The following PSG11 variants were observed in gnomAD, a reference collection of about 807,000 sequenced individuals.
PSG11 encodes the protein pregnancy-specific beta-1-glycoprotein 11.
A neutral mutation model predicts 36.0 loss-of-function variants in PSG11; 42 were observed. That is an observed-to-expected ratio of 1.17 (90% CI 0.91 to 1.51). The LOEUF (loss-of-function observed/expected upper bound fraction) is 1.51. Among genes scored for constraint, PSG11 ranks in the 40% most tolerant of loss-of-function variants. The pLI, the probability that PSG11 is intolerant of heterozygous loss-of-function variation, is 0.00. For missense variants in PSG11, 558 were observed against 403.5 expected (o/e 1.38, Z -3.28); for synonymous variants, 206 against 153.5 (o/e 1.34, Z -2.53).
chr19:43,013,225 A>G (rs982903425), intron 4 of PSG11, among the ~76,000 whole-genome samples: 2 of 151,538 alleles, frequency 1.3e-5, no homozygotes, highest in Non-Finnish European at 2.9e-5. Flanking sequence ...TGGTTGTAAC[A>G]ACAAAAGCAT....
chr19:43,024,578 G>A (rs1941820833), intron 2 of PSG11, 113 bp downstream of exon 2: 3 of 1,574,208 alleles, frequency 1.9e-6, no homozygotes, highest in Admixed American at 3.4e-5. Context: ...ACCCCAGCAT[G>A]GGACATAATG....
chr19:43,010,890 CATATATATAT>C (rs10566441), intron 4 of PSG11, among the ~76,000 whole-genome samples: 6 of 140,452 alleles, frequency 4.3e-5, no homozygotes, highest in Admixed American at 7.2e-5. Flanking sequence ...CCTCTTTTTC[CATATATATAT>C]ATATATATAT....
chr19:43,018,964 T>C lies in PSG11; in HGVS notation c.515A>G (p.Glu172Gly). ...METVILTCNP[E>G]TPDASYLWWM... ...CCACAGGTAGCTTGCGTCCGGAGTCTCAGGATTACAGGTTAAGATCACAGT... is the reference window on the plus strand; with the variant it reads ...CCACAGGTAGCTTGCGTCCGGAGTCCCAGGATTACAGGTTAAGATCACAGT... Residue 172 changes from glutamate (E) to glycine (G), a missense_variant, in exon 3 of 6, where the codon GAG becomes GGG. Glu to Gly is a moderately conservative substitution (Grantham distance 98). Transcript: ENST00000320078. 6.2e-7 allele frequency: 1 copy of C among 1,612,122 alleles called. No homozygotes were observed. The highest frequency in any genetic ancestry group is 8.5e-7 in the Non-Finnish European group (1 of 1,179,164).
Position 43,025,715 on chromosome 19 carries a change from T to C in PSG11, c.64+594A>G, listed in dbSNP as rs112606198. Reference sequence around the variant, plus strand: ...ATTGAGGACAGTGTTTCATGCCCTGTTTATTTTTATTTGTAGTGTCATCTG... The same window carrying C: ...ATTGAGGACAGTGTTTCATGCCCTGCTTATTTTTATTTGTAGTGTCATCTG... On this transcript the variant is annotated intron_variant, in intron 1 of 5. Transcript: ENST00000320078. Among the ~76,000 whole-genome samples the C allele has an allele frequency of 1.3e-3, 44 of 35,182 alleles. 1 individual carries two copies. Among genetic ancestry groups the C allele is most frequent in the African/African-American group, 8.1e-3 (40 of 4,950 alleles). The allele number at this position is 35,182 out of a possible 152,430, so 23.1% of individuals were successfully genotyped here.
intron 4 of PSG11, among the ~76,000 whole-genome samples, chr19:43,010,961 C>T (rs1404764811): frequency 1.3e-5 from 2 of 150,178 alleles, no homozygotes; most frequent in Non-Finnish European, 3.0e-5. Flanking sequence ...GTGCCAGGCC[C>T]TGTGCTAAAT....
rs991564858 is a variant in PSG11 at position 43,017,058 on chromosome 19, A to C, written c.710-1688T>G. Among the ~76,000 whole-genome samples the C allele has an allele frequency of 2.0e-5, 3 of 151,400 alleles. 1 individual carries two copies. The highest frequency in any genetic ancestry group is 4.4e-5 in the Non-Finnish European group (3 of 67,898). On this transcript the variant is annotated intron_variant, in intron 3 of 5. Transcript: ENST00000320078. ...CTCATGTAAATGGATTCCAGAGTGAATATGAGAAGAGACTGCTGGTTGCCA... is the reference window on the plus strand; with the variant it reads ...CTCATGTAAATGGATTCCAGAGTGACTATGAGAAGAGACTGCTGGTTGCCA...
At chr19:43,014,541 A>C in intron 4 of PSG11, 1 of 985,428 alleles carries the variant, frequency 1.0e-6, no homozygotes, top group Non-Finnish European at 1.2e-6. Flanking sequence ...CAATTTAGCC[A>C]AATTCAGGAC....
At chr19:43,020,765 C>A (rs1967084207) in intron 2 of PSG11, among the ~76,000 whole-genome samples, 1 of 150,870 alleles carries the variant, frequency 6.6e-6, no homozygotes, top group South Asian at 2.1e-4. Context: ...AGGAAGGATG[C>A]CAAATTAAAA....
rs1480546871 is a variant in PSG11 at position 43,021,601 on chromosome 19, C to T, written c.431-2553G>A. ...CTCCTGACCTTGTGCCTGCCCCAGT[C>T]TCCCAAAGTGCTGCGATTATAGGCA... On this transcript the variant is annotated intron_variant, in intron 2 of 5. Transcript: ENST00000320078. Among the ~76,000 whole-genome samples the T allele has an allele frequency of 3.3e-5, 5 of 151,428 alleles. 1 individual carries two copies. Among genetic ancestry groups the T allele is most frequent in the Admixed American group, 1.3e-4 (2 of 15,156 alleles).
rs1340435562 is a variant in PSG11 at position 43,007,881 on chromosome 19, T to G, written c.*202A>C. Reference sequence around the variant, plus strand: ...TATGAAAACATTATCCTTTTGTTATTTAGTCCAATGAAATGGAGTTCTTTT... The same window carrying G: ...TATGAAAACATTATCCTTTTGTTATGTAGTCCAATGAAATGGAGTTCTTTT... On this transcript the variant is annotated 3_prime_UTR_variant, in exon 6 of 6. Transcript: ENST00000320078. 2.7e-6 allele frequency: 1 copy of G among 369,192 alleles called. No homozygotes were observed. The highest frequency in any genetic ancestry group is 3.8e-5 in the East Asian group (1 of 26,008). The allele number at this position is 369,192 out of a possible 1,614,324, so 22.9% of individuals were successfully genotyped here.
intron 3 of PSG11, among the ~76,000 whole-genome samples, chr19:43,016,506 T>G (rs1239757545): frequency 1.3e-5 from 2 of 151,320 alleles, no homozygotes; most frequent in Non-Finnish European, 2.9e-5. Context: ...GGACTTCCCA[T>G]TGTCCTGAAA....
chr19:43,023,723 C>T (rs1356380106), intron 2 of PSG11, among the ~76,000 whole-genome samples: 6 of 151,104 alleles, frequency 4.0e-5, no homozygotes, highest in Non-Finnish European at 8.8e-5. Context: ...ACCCTGATCT[C>T]CCCTTTGCGT....
chr19:43,018,333 G>A (rs751560250), intron 3 of PSG11: 1 of 315,002 alleles, frequency 3.2e-6, no homozygotes, highest in East Asian at 7.2e-5. Context: ...ATGGTAATAG[G>A]TGTATGAGGA....
intron 5 of PSG11, among the ~76,000 whole-genome samples, chr19:43,008,491 A>C (rs1973987481): frequency 6.6e-6 from 1 of 151,010 alleles, no homozygotes. Context: ...TTAGCCAGGA[A>C]GGTCTGGATC....
At chr19:43,021,057 T>A (rs1967089869) in intron 2 of PSG11, among the ~76,000 whole-genome samples, 1 of 151,438 alleles carries the variant, frequency 6.6e-6, no homozygotes, top group African/African-American at 2.4e-5. Context: ...AGTAAAACCA[T>A]CAGATAGCAC....
Position 43,015,194 on chromosome 19 carries a change from T to A in PSG11, c.886A>T (p.Asn296Tyr). ...CGAGCAGAGCAAGCATAGAGCCCAT[T>A]ATGCTTTGGAGTAATCTGAGGGATA... The part of the protein sequence containing the change: ...LFIPQITPKH[N>Y]GLYACSARNS... The change falls in exon 4 of 6, where the codon AAT becomes TAT. Residue 296 changes from asparagine (N) to tyrosine (Y), a missense_variant. Transcript: ENST00000320078. The A allele has an allele frequency of 6.2e-7, 1 of 1,611,240 alleles. No homozygotes were observed. Among genetic ancestry groups the A allele is most frequent in the Non-Finnish European group, 8.5e-7 (1 of 1,178,286 alleles).
At position 43,021,473 on chromosome 19, in the gene PSG11, T is replaced by C. The variant is rs1242912872; in HGVS notation, c.431-2425A>G. Among the ~76,000 whole-genome samples the C allele has an allele frequency of 2.0e-5, 3 of 151,300 alleles. No individual in the cohort carries two copies. In the Admixed American group the frequency reaches 2.0e-4, roughly 10 times the overall value. The stretch of plus-strand genomic sequence containing the variant: ...TTCACACCATTCTCCTGCCTCGACC[T>C]CCCAAGTAGCTGGTACTACAGGTGC... On this transcript the variant is annotated intron_variant, in intron 2 of 5. Transcript: ENST00000320078.
intron 4 of PSG11, chr19:43,014,904 C>G (rs1240470630): frequency 7.0e-7 from 1 of 1,418,828 alleles, no homozygotes; most frequent in African/African-American, 1.5e-5. Context: ...CTACCTTTCT[C>G]AGGCCAGACA....
chr19:43,024,615 G>A, intron 2 of PSG11, 76 bp downstream of exon 2: 2 of 1,605,528 alleles, frequency 1.2e-6, no homozygotes, highest in Admixed American at 1.7e-5. Flanking sequence ...CAATGTCCAG[G>A]CCTGACAATC....
Sources: allele counts gnomAD v4.1 joint callset (sites outside exome capture counted in the v4.1 genomes callset), GRCh38; gene constraint gnomAD v4.1.1; transcripts MANE v1.5; gene names NCBI Gene and HGNC (gene_info 2026-07-23, HGNC 2026-07-21).